The following PAPPA variants were observed in gnomAD, a reference collection of about 807,000 sequenced individuals.
The protein encoded by PAPPA is pappalysin-1.
Under a neutral mutation model 164.0 loss-of-function variants are expected in PAPPA, and 60 were observed. That is an observed-to-expected ratio of 0.37 (90% CI 0.30 to 0.45). PAPPA has a LOEUF of 0.45. Among genes scored for constraint, PAPPA ranks in the 20% least tolerant of loss-of-function variants. PAPPA has a pLI of 1.00. For synonymous variants in PAPPA, 875 were observed against 814.1 expected (o/e 1.07, Z -1.27); for missense variants, 1,782 against 2,087.3 (o/e 0.85, Z 2.85).
At chr9:116,373,422 T>C (rs1846602184) in intron 19 of PAPPA, 1 of 151,540 alleles carries the variant, frequency 6.6e-6, no homozygotes, top group Non-Finnish European at 1.5e-5. Flanking sequence ...AAGCAAATAA[T>C]TAATAATAAT....
At position 116,302,963 on chromosome 9, in the gene PAPPA, C is replaced by G; in HGVS notation, c.3147+13C>G. ...AGCAGCATCCCAGGTAAGATCCTAACCATGTGTGGCATTTCCTGCAGACAT... is the reference window on the plus strand; with the variant it reads ...AGCAGCATCCCAGGTAAGATCCTAAGCATGTGTGGCATTTCCTGCAGACAT... On this transcript the variant is annotated intron_variant, in intron 10 of 21. Coordinates refer to ENST00000328252, the MANE Select transcript of PAPPA (RefSeq NM_002581.5). The G allele has an allele frequency of 6.2e-7, 1 of 1,609,810 alleles. No individual in the cohort carries two copies. The highest frequency in any genetic ancestry group is 2.2e-5 in the East Asian group (1 of 44,812).
intron 10 of PAPPA, among the ~76,000 whole-genome samples, chr9:116,323,190 A>C (rs1845881478): frequency 6.6e-6 from 1 of 152,176 alleles, no homozygotes; most frequent in South Asian, 2.1e-4. Flanking sequence ...AACTCCTCTA[A>C]TTGAAAGCAG....
chr9:116,194,081 G>A (rs772279280), intron 2 of PAPPA, among the ~76,000 whole-genome samples: 37 of 152,316 alleles, frequency 2.4e-4, no homozygotes, highest in South Asian at 4.1e-4. Flanking sequence ...TCTGGTTGGG[G>A]CTTCATGAAG....
Position 116,289,121 on chromosome 9 carries a change from CATATATATATATAT to C in PAPPA, c.2954-13610_2954-13597del, listed in dbSNP as rs200604980. Reference sequence around the variant, plus strand: ...GGATTGCAGAATAGATATGCATATACATATATATATATATATATATATATATATATATATATATA... The same window carrying C: ...GGATTGCAGAATAGATATGCATATACATATATATATATATATATATATATA... On this transcript the variant is annotated intron_variant, in intron 9 of 21. Coordinates refer to ENST00000328252, the MANE Select transcript of PAPPA (RefSeq NM_002581.5). Among the ~76,000 whole-genome samples, 128 of 17,810 alleles carry C rather than the reference CATATATATATATAT, an allele frequency of 7.2e-3. 4 individuals are homozygous for C. The highest frequency in any genetic ancestry group is 0.031 in the Middle Eastern group (1 of 32). The allele number at this position is 17,810 out of a possible 152,430, so 11.7% of individuals were successfully genotyped here. A position where few individuals can be genotyped will look rare whatever the true frequency, so the allele number is the denominator to read the frequency against.
intron 10 of PAPPA, among the ~76,000 whole-genome samples, chr9:116,325,607 C>T (rs934313936): frequency 1.3e-5 from 2 of 152,158 alleles, no homozygotes; most frequent in Non-Finnish European, 2.9e-5. Context: ...GGTCACTTGC[C>T]TTTCAATTCC....
At chr9:116,384,264 A>G (rs1408957446) in intron 21 of PAPPA, among the ~76,000 whole-genome samples, 1 of 128,652 alleles carries the variant, frequency 7.8e-6, no homozygotes, top group Non-Finnish European at 1.7e-5. Context: ...TTGTCTCTAC[A>G]CGTAATTAAT....
At chr9:116,262,451 A>G (rs1845014411) in intron 7 of PAPPA, among the ~76,000 whole-genome samples, 1 of 152,202 alleles carries the variant, frequency 6.6e-6, no homozygotes, top group African/African-American at 2.4e-5. Flanking sequence ...GTTCCAAAGA[A>G]AGAGTAAATT....
intron 1 of PAPPA, among the ~76,000 whole-genome samples, chr9:116,185,143 T>C (rs1232873295): frequency 2.6e-5 from 4 of 152,228 alleles, no homozygotes; most frequent in Admixed American, 6.5e-5. Flanking sequence ...TTGGACCTAA[T>C]ATGTGACACA....
intron 9 of PAPPA, chr9:116,287,336 G>T (rs966268403): frequency 6.6e-6 from 1 of 152,172 alleles, no homozygotes; most frequent in Admixed American, 6.5e-5. Context: ...TAGCCCTTCT[G>T]GGGGTGGGTT....
intron 6 of PAPPA, among the ~76,000 whole-genome samples, chr9:116,230,385 C>A (rs777487538): frequency 6.6e-6 from 1 of 152,122 alleles, no homozygotes; most frequent in Non-Finnish European, 1.5e-5. Context: ...CAATGCCAGA[C>A]ATATCTGTAT....
In PAPPA at chr9:116,181,326, C is replaced by CTCTCTCTCTCTCTT. The variant is rs535740441; in HGVS notation, c.416-5800_416-5787dup. Reference sequence around the variant, plus strand: ...GCCAGGTTTGTTTCTTCCAAGACCTCTCTCTCTCTCTCTTTCTCTCTCTCT... The same window carrying CTCTCTCTCTCTCTT: ...GCCAGGTTTGTTTCTTCCAAGACCTCTCTCTCTCTCTCTTTCTCTCTCTCTCTTTCTCTCTCTCT... On this transcript the variant is annotated intron_variant, in intron 1 of 21. Coordinates refer to ENST00000328252, the MANE Select transcript of PAPPA (RefSeq NM_002581.5). Among the ~76,000 whole-genome samples the CTCTCTCTCTCTCTT allele has an allele frequency of 2.8e-4, 43 of 151,028 alleles. 1 individual carries two copies. The South Asian group carries it at 6.7e-3, about 23-fold the overall frequency.
intron 10 of PAPPA, among the ~76,000 whole-genome samples, chr9:116,316,081 T>C (rs998920614): frequency 6.6e-6 from 1 of 152,212 alleles, no homozygotes; most frequent in African/African-American, 2.4e-5. Flanking sequence ...ACCAGAACCA[T>C]GTCCCTCTAC....
At chr9:116,202,358 C>A (rs535323679) in intron 2 of PAPPA, among the ~76,000 whole-genome samples, 1 of 152,250 alleles carries the variant, frequency 6.6e-6, no homozygotes, top group South Asian at 2.1e-4. Flanking sequence ...TTGGCACTTA[C>A]CAACGAGTGA....
At chr9:116,249,757 G>A (rs1844838085) in intron 7 of PAPPA, among the ~76,000 whole-genome samples, 1 of 152,176 alleles carries the variant, frequency 6.6e-6, no homozygotes, top group Admixed American at 6.5e-5. Flanking sequence ...AAAGATGCCT[G>A]TGTTACTGGC....
chr9:116,165,087 T>A (rs1843706031), intron 1 of PAPPA, among the ~76,000 whole-genome samples: 1 of 152,198 alleles, frequency 6.6e-6, no homozygotes, highest in Admixed American at 6.5e-5. Flanking sequence ...TACTCTTGCA[T>A]GACTGCCCAA....
At chr9:116,185,009 C>T (rs542245944) in intron 1 of PAPPA, among the ~76,000 whole-genome samples, 87 of 152,240 alleles carry the variant, frequency 5.7e-4, no homozygotes, top group Non-Finnish European at 1.1e-3. Flanking sequence ...TGTCAAGTTT[C>T]CTAAAAGTAA....
intron 1 of PAPPA, among the ~76,000 whole-genome samples, chr9:116,168,398 A>G (rs927056058): frequency 2.0e-5 from 3 of 152,294 alleles, no homozygotes; most frequent in Non-Finnish European, 2.9e-5. Context: ...AGACTGGTAA[A>G]CAGATAGATG....
At chr9:116,377,070 A>G (rs1328843363) in intron 19 of PAPPA, among the ~76,000 whole-genome samples, 1 of 151,824 alleles carries the variant, frequency 6.6e-6, no homozygotes, top group Non-Finnish European at 1.5e-5. Flanking sequence ...AATTAAACAC[A>G]CTCCCACGGC....
intron 10 of PAPPA, among the ~76,000 whole-genome samples, chr9:116,311,763 G>T (rs1845720745): frequency 6.6e-6 from 1 of 152,126 alleles, no homozygotes; most frequent in South Asian, 2.1e-4. Flanking sequence ...CGTCTTGCGA[G>T]GCATCTAATT....
Sources: gnomAD v4.1 joint callset for allele counts (sites outside exome capture counted in the v4.1 genomes callset) on GRCh38, gnomAD v4.1.1 for gene constraint, MANE v1.5 for transcripts, NCBI Gene and HGNC (gene_info 2026-07-23, HGNC 2026-07-21) for gene names.